The following PTBP3 variants were observed in gnomAD, a reference collection of about 807,000 sequenced individuals.
PTBP3 encodes polypyrimidine tract-binding protein 3.
Under a neutral mutation model 58.7 loss-of-function variants are expected in PTBP3, and 20 were observed. That is an observed-to-expected ratio of 0.34 (90% CI 0.24 to 0.50). The LOEUF is 0.50. Ranked by LOEUF, PTBP3 falls within the 20% of genes least tolerant of loss-of-function variation. The pLI, the probability that PTBP3 is intolerant of heterozygous loss-of-function variation, is 0.98. For synonymous variants in PTBP3, 185 were observed against 219.8 expected (o/e 0.84, Z 1.40); for missense variants, 509 against 637.2 (o/e 0.80, Z 2.17).
chr9:112,248,925 C>T (rs997449069), intron 7 of PTBP3, among the ~76,000 whole-genome samples: 6 of 152,058 alleles, frequency 3.9e-5, no homozygotes, highest in African/African-American at 9.7e-5. Flanking sequence ...CAGACTTGAC[C>T]GTACTGAGAA....
In PTBP3 at chr9:112,275,972, G is replaced by A; in HGVS notation, c.76C>T (p.Pro26Ser). The A allele has an allele frequency of 2.5e-6, 4 of 1,613,738 alleles. No homozygotes were observed. Among genetic ancestry groups the A allele is most frequent in the Middle Eastern group, 1.6e-4 (1 of 6,062 alleles). The change falls in exon 3 of 14, where the codon CCC (proline) becomes TCC (serine). Residue 26 changes from proline (P) to serine (S), a missense_variant. Transcript: ENST00000374257. Reference protein sequence around the residue: ...DSKKFKRDRPPCSPSRVLHLR... With the variant: ...DSKKFKRDRPSCSPSRVLHLR... Reference sequence around the variant, plus strand: ...TGGAGAACACGGGAAGGCGAACAGGGAGGTCTATCTCGTTTAAATTTCTTG... The same window carrying A: ...TGGAGAACACGGGAAGGCGAACAGGAAGGTCTATCTCGTTTAAATTTCTTG...
chr9:112,229,077 A>C (rs1835103602), intron 10 of PTBP3, among the ~76,000 whole-genome samples: 2 of 152,174 alleles, frequency 1.3e-5, no homozygotes, highest in African/African-American at 4.8e-5. Context: ...GATAATAATC[A>C]AACTCTTATC....
intron 2 of PTBP3, among the ~76,000 whole-genome samples, chr9:112,289,363 G>C (rs896628993): frequency 6.6e-6 from 1 of 151,822 alleles, no homozygotes; most frequent in Non-Finnish European, 1.5e-5. Flanking sequence ...TTAATACTGA[G>C]TTCTTTAAAA....
At position 112,300,988 on chromosome 9, in the gene PTBP3, C is replaced by CAATA. The variant is rs57448585; in HGVS notation, c.-51-3076_-51-3073dup. Among the ~76,000 whole-genome samples the CAATA allele has an allele frequency of 8.5e-3, 1,290 of 151,408 alleles. 22 individuals carry two copies. Among genetic ancestry groups the CAATA allele is most frequent in the African/African-American group, 0.03 (1,222 of 41,320 alleles). ...TTATCAAAACCAAAAGCACGAATGG[C>CAATA]AATAAATAAATAAATAAATAAACTG... On this transcript the variant is annotated intron_variant, in intron 1 of 13. Transcript: ENST00000374257.
intron 1 of PTBP3, among the ~76,000 whole-genome samples, chr9:112,302,582 C>CTTTTTTTTTTTTTTTTTTT (rs369208342): frequency 1.4e-4 from 16 of 110,496 alleles, no homozygotes; most frequent in African/African-American, 5.1e-4. Flanking sequence ...TATTCTTCAT[C>CTTTTTTTTTTTTTTTTTTT]TTTTTTTTTT....
At chr9:112,279,654 C>T (rs1396288406) in intron 2 of PTBP3, among the ~76,000 whole-genome samples, 3 of 151,936 alleles carry the variant, frequency 2.0e-5, no homozygotes, top group Non-Finnish European at 4.4e-5. Context: ...ACCCCCAACC[C>T]CCACCCCAGG....
At chr9:112,332,818 G>A in intron 1 of PTBP3, 1 of 1,612,462 alleles carries the variant, frequency 6.2e-7, no homozygotes, top group South Asian at 1.1e-5. Context: ...CTTGGGGAGA[G>A]AGAAAGGTGA....
At chr9:112,297,703 A>AC in intron 2 of PTBP3, 129 bp downstream of exon 2, 1 of 676,166 alleles carries the variant, frequency 1.5e-6, no homozygotes, top group South Asian at 2.4e-5. Context: ...ATAGTACTTT[A>AC]CCGAAACAAA....
intron 1 of PTBP3, among the ~76,000 whole-genome samples, chr9:112,329,563 C>T (rs532112590): frequency 1.7e-4 from 26 of 152,056 alleles, no homozygotes; most frequent in African/African-American, 6.0e-4. Context: ...CTAGGTATAA[C>T]GAAAAAAAAG....
the PTBP3 span, among the ~76,000 whole-genome samples, chr9:112,349,478 A>T: frequency 2.0e-5 from 3 of 152,182 alleles, no homozygotes; most frequent in African/African-American, 4.8e-5. Context: ...GGTCAGAAGC[A>T]TGGGGACTTG....
intron 3 of PTBP3, among the ~76,000 whole-genome samples, chr9:112,275,375 T>TA (rs1391430259): frequency 1.3e-5 from 2 of 152,148 alleles, no homozygotes; most frequent in African/African-American, 2.4e-5. Context: ...CCTCAGGTGA[T>TA]CCGCCCACCT....
intron 7 of PTBP3, 48 bp downstream of exon 7, chr9:112,250,881 T>C (rs771827623): frequency 6.9e-7 from 1 of 1,440,384 alleles, no homozygotes; most frequent in Non-Finnish European, 9.2e-7. Flanking sequence ...TAAATGAAAC[T>C]TGTAACTTCA....
the PTBP3 span, among the ~76,000 whole-genome samples, chr9:112,347,158 A>G: frequency 6.6e-6 from 1 of 152,340 alleles, no homozygotes; most frequent in Admixed American, 6.5e-5. Context: ...AACCTAATTT[A>G]TCTATTTTAT....
the PTBP3 span, among the ~76,000 whole-genome samples, chr9:112,366,238 C>A: frequency 6.6e-6 from 1 of 151,402 alleles, no homozygotes; most frequent in Non-Finnish European, 1.5e-5. Flanking sequence ...AGCCAAGACA[C>A]ACCATTGCAC....
At chr9:112,351,151 T>C in the PTBP3 span, among the ~76,000 whole-genome samples, 5 of 152,334 alleles carry the variant, frequency 3.3e-5, 1 homozygote, top group South Asian at 1.0e-3. Flanking sequence ...CATTTTTACC[T>C]AGTATTATAT....
At chr9:112,288,612 T>C (rs1197798510) in intron 2 of PTBP3, among the ~76,000 whole-genome samples, 1 of 152,212 alleles carries the variant, frequency 6.6e-6, no homozygotes, top group African/African-American at 2.4e-5. Context: ...TGTTCTCCAC[T>C]GTCTAAAAAC....
chr9:112,307,445 C>T (rs1484937452), intron 1 of PTBP3, among the ~76,000 whole-genome samples: 1 of 151,974 alleles, frequency 6.6e-6, no homozygotes, highest in African/African-American at 2.4e-5. Flanking sequence ...AAGGGAGACC[C>T]TGTCCCAAAA....
intron 5 of PTBP3, among the ~76,000 whole-genome samples, chr9:112,259,702 T>C (rs1022336514): frequency 2.0e-5 from 3 of 152,234 alleles, no homozygotes; most frequent in African/African-American, 7.2e-5. Flanking sequence ...AGATGTTAGA[T>C]AGCAGTTGAG....
At chr9:112,320,307 TATATATA>T (rs1829882616) in intron 1 of PTBP3, among the ~76,000 whole-genome samples, 1 of 52,686 alleles carries the variant, frequency 1.9e-5, no homozygotes, top group African/African-American at 1.4e-4. Context: ...TATATATATA[TATATATA>T]TTTTTTTTTA....
Sources: gnomAD v4.1 joint callset for allele counts (sites outside exome capture counted in the v4.1 genomes callset) on GRCh38, gnomAD v4.1.1 for gene constraint, MANE v1.5 for transcripts, NCBI Gene and HGNC (gene_info 2026-07-23, HGNC 2026-07-21) for gene names.